PARD3B: variants seen among roughly 807,000 people sequenced by gnomAD.
PARD3B encodes par-3 family cell polarity regulator beta.
A neutral mutation model predicts 130.2 loss-of-function variants in PARD3B; 103 were observed. The observed-to-expected ratio is 0.79, with a 90% CI of 0.67 to 0.93. The LOEUF is 0.93. PARD3B is among the 40% of genes least tolerant of loss of function. The pLI, the probability that PARD3B is intolerant of heterozygous loss-of-function variation, is 0.00. For synonymous variants in PARD3B, 583 were observed against 553.2 expected, an observed-to-expected ratio of 1.05 and a Z score of -0.76; for missense variants, 1,609 against 1,499.2, an observed-to-expected ratio of 1.07 and a Z score of -1.21.
Position 205,341,162 on chromosome 2 carries a change from A to G in PARD3B, c.2630+39461A>G, listed in dbSNP as rs1032596766. Among the ~76,000 whole-genome samples, 3 of 152,112 alleles carry G rather than the reference A, an allele frequency of 2.0e-5. No individual in the cohort carries two copies. Among genetic ancestry groups the G allele is most frequent in the African/African-American group, 7.2e-5 (3 of 41,442 alleles). ...GTTGGTGGGGATGTAAATTAGTAGA[A>G]CCATTATGGGAAACAGTATAGTGGT... is the stretch of plus-strand genomic sequence containing the variant. On this transcript the variant is annotated intron_variant, in intron 18 of 22. Coordinates refer to ENST00000406610, the MANE Select transcript of PARD3B (RefSeq NM_001302769.2). This position sits in a 1 kb window ranked among gnomAD's most constrained non-coding sequence, Gnocchi z 4.3.
At chr2:205,264,359 G>A (rs2040424616) in intron 16 of PARD3B, among the ~76,000 whole-genome samples, 2 of 151,092 alleles carry the variant, frequency 1.3e-5, no homozygotes, top group African/African-American at 4.9e-5. Context: ...AGTTACTAGA[G>A]TTAATGATCA....
At chr2:204,952,241 G>T (rs1689837912) in intron 2 of PARD3B, among the ~76,000 whole-genome samples, 1 of 152,096 alleles carries the variant, frequency 6.6e-6, no homozygotes, top group Non-Finnish European at 1.5e-5. Flanking sequence ...AATTTTATTT[G>T]TGCATATTTT....
chr2:205,205,523 C>T (rs2037240248), intron 15 of PARD3B, among the ~76,000 whole-genome samples: 1 of 152,046 alleles, frequency 6.6e-6, no homozygotes, highest in Non-Finnish European at 1.5e-5. Context: ...TGTCTTGTGC[C>T]AGTTTTCAAA....
intron 2 of PARD3B, among the ~76,000 whole-genome samples, chr2:204,845,226 A>G (rs1196607816): frequency 6.6e-6 from 1 of 152,148 alleles, no homozygotes; most frequent in Non-Finnish European, 1.5e-5. Flanking sequence ...ACTCATTATG[A>G]TACATGATAT....
intron 18 of PARD3B, among the ~76,000 whole-genome samples, chr2:205,368,813 T>A (rs1393720264): frequency 2.0e-5 from 3 of 151,278 alleles, no homozygotes; most frequent in Non-Finnish European, 4.4e-5. Flanking sequence ...GTCTACCTTG[T>A]AACACAAATT....
chr2:205,608,878 C>G (rs1344142279), intron 22 of PARD3B, among the ~76,000 whole-genome samples: 1 of 152,228 alleles, frequency 6.6e-6, no homozygotes, highest in Non-Finnish European at 1.5e-5. Flanking sequence ...CACTCAGTCA[C>G]TATCCTTTCT....
At chr2:204,668,697 C>T (rs1210721220) in intron 1 of PARD3B, among the ~76,000 whole-genome samples, 2 of 152,114 alleles carry the variant, frequency 1.3e-5, no homozygotes, top group Admixed American at 6.6e-5. Flanking sequence ...ACAATACATT[C>T]CGTCCTTATG....
intron 3 of PARD3B, among the ~76,000 whole-genome samples, chr2:204,998,822 T>C (rs906387591): frequency 2.6e-5 from 4 of 152,114 alleles, no homozygotes; most frequent in African/African-American, 9.7e-5. Flanking sequence ...CAAGTGATTC[T>C]CCTGCCTCAG....
intron 15 of PARD3B, among the ~76,000 whole-genome samples, chr2:205,238,835 C>CAAAAA (rs71879579): frequency 1.5e-3 from 39 of 26,084 alleles, no homozygotes; most frequent in Admixed American, 4.8e-3. Flanking sequence ...AACTCCGTTT[C>CAAAAA]AAAAAAAAAA....
Position 205,473,176 on chromosome 2 carries a change from A to G in PARD3B, c.3045-26720A>G, listed in dbSNP as rs1575108171. On this transcript the variant is annotated intron_variant, in intron 20 of 22. Transcript: ENST00000406610. The surrounding 1 kb of genome is among the most constrained non-coding windows in gnomAD (Gnocchi z 4.9). ...CCCCATATTGTCTTCCACCATAAAC[A>G]TCTGCCATGATAATTCTCCACTGCT... 6.6e-6 allele frequency among the ~76,000 whole-genome samples: 1 copy of G among 152,118 alleles called. No individual in the cohort carries two copies. The highest frequency in any genetic ancestry group is 2.1e-4 in the South Asian group (1 of 4,814).
At chr2:205,119,144 T>G in intron 7 of PARD3B, 98 bp downstream of exon 7, 2 of 1,412,710 alleles carry the variant, frequency 1.4e-6, no homozygotes, top group Non-Finnish European at 1.9e-6. Context: ...GTAGAATTTC[T>G]AGTCAGTTCC....
In PARD3B at chr2:205,558,525, A is replaced by G. The variant is rs1034751377; in HGVS notation, c.3260+5122A>G. Among the ~76,000 whole-genome samples, 4 of 152,048 alleles carry G rather than the reference A, an allele frequency of 2.6e-5. No individual in the cohort carries two copies. The highest frequency in any genetic ancestry group is 5.9e-5 in the Non-Finnish European group (4 of 68,022). On this transcript the variant is annotated intron_variant, in intron 22 of 22. Coordinates refer to ENST00000406610, the MANE Select transcript of PARD3B (RefSeq NM_001302769.2). The surrounding 1 kb of genome is among the most constrained non-coding windows in gnomAD (Gnocchi z 4.8). ...CTTGGCTCAACCCTCCTTTTCCCACATTTCCTAAGAAAAAGTGGGCTATAC... is the reference window on the plus strand; with the variant it reads ...CTTGGCTCAACCCTCCTTTTCCCACGTTTCCTAAGAAAAAGTGGGCTATAC...
chr2:205,250,656 T>C (rs898984239), intron 16 of PARD3B, among the ~76,000 whole-genome samples: 13 of 152,130 alleles, frequency 8.5e-5, no homozygotes, highest in African/African-American at 2.9e-4. Flanking sequence ...CAGCTGGGCA[T>C]GGTGGCTCAC....
At chr2:205,452,337 C>A (rs1450487881) in intron 20 of PARD3B, among the ~76,000 whole-genome samples, 2 of 152,152 alleles carry the variant, frequency 1.3e-5, no homozygotes, top group Non-Finnish European at 2.9e-5. Context: ...TGTCTGTCAC[C>A]TCTGACTCAT....
intron 16 of PARD3B, among the ~76,000 whole-genome samples, chr2:205,266,687 A>G (rs2040517833): frequency 1.3e-5 from 2 of 152,068 alleles, no homozygotes. Context: ...AAGAAACATG[A>G]TTTTGGCTTA....
intron 2 of PARD3B, among the ~76,000 whole-genome samples, chr2:204,721,097 G>C (rs183403677): frequency 6.6e-6 from 1 of 152,144 alleles, no homozygotes; most frequent in East Asian, 1.9e-4. Context: ...TGCAAAGCAG[G>C]GTGGGGAAAG....
At chr2:204,552,621 G>A (rs1245888315) in intron 1 of PARD3B, among the ~76,000 whole-genome samples, 1 of 152,122 alleles carries the variant, frequency 6.6e-6, no homozygotes, top group Non-Finnish European at 1.5e-5. Flanking sequence ...ACAGAATGTT[G>A]TAGTTTCAGG....
In PARD3B at chr2:204,983,286, T is replaced by C. The variant is rs6732708; in HGVS notation, c.394+17963T>C. The stretch of plus-strand genomic sequence containing the variant: ...GGTGTTATTAAGCCTTGAGTAAATA[T>C]AGTTGTTAACTCTGCATTGTGGTCC... On this transcript the variant is annotated intron_variant, in intron 3 of 22. Transcript: ENST00000406610. Among the ~76,000 whole-genome samples the C allele has an allele frequency of 2.4e-3, 370 of 152,266 alleles. 1 individual carries two copies. The highest frequency in any genetic ancestry group is 8.5e-3 in the African/African-American group (352 of 41,550).
At chr2:204,811,452 G>C in intron 2 of PARD3B, among the ~76,000 whole-genome samples, 1 of 152,048 alleles carries the variant, frequency 6.6e-6, no homozygotes, top group East Asian at 1.9e-4. Flanking sequence ...ACAGAGTTTG[G>C]GGCAAGTGAA....
Sources: gnomAD v4.1 joint callset for allele counts (sites outside exome capture counted in the v4.1 genomes callset) on GRCh38, gnomAD v4.1.1 for gene constraint, Gnocchi (gnomAD v3.1) non-coding constraint, MANE v1.5 for transcripts, NCBI Gene and HGNC (gene_info 2026-07-23, HGNC 2026-07-21) for gene names.